The following ESRRG variants were observed in gnomAD, a reference collection of about 807,000 sequenced individuals.
ESRRG encodes estrogen-related receptor gamma.
Under a neutral mutation model 44.0 loss-of-function variants are expected in ESRRG, and 13 were observed. The observed-to-expected ratio is 0.30, with a 90% confidence interval of 0.19 to 0.47. The LOEUF (loss-of-function observed/expected upper bound fraction) is 0.47. Ranked by LOEUF, ESRRG falls within the 20% of genes least tolerant of loss-of-function variation. ESRRG has a pLI of 1.00. For missense variants in ESRRG, 395 were observed against 580.6 expected (o/e 0.68, Z 3.29); for synonymous variants, 215 against 214.6 (o/e 1.00, Z -0.02).
intron 5 of ESRRG, among the ~76,000 whole-genome samples, chr1:216,525,814 C>G (rs1474767529): frequency 4.6e-5 from 7 of 152,134 alleles, no homozygotes; most frequent in African/African-American, 1.7e-4. Context: ...TACCAATGTA[C>G]TGGTAGAACT....
chr1:216,580,907 GC>G, intron 3 of ESRRG, among the ~76,000 whole-genome samples: 1 of 152,296 alleles, frequency 6.6e-6, no homozygotes, highest in Non-Finnish European at 1.5e-5. Flanking sequence ...TTGGCCAAAT[GC>G]ATTTCCTTTT....
At chr1:216,986,795 T>C (rs772022361) in intron 1 of ESRRG, among the ~76,000 whole-genome samples, 3 of 152,000 alleles carry the variant, frequency 2.0e-5, no homozygotes, top group Non-Finnish European at 4.4e-5. Context: ...GTCTGGAAAA[T>C]TCTTCTAAAT....
chr1:216,669,953 T>C (rs1156956859), intron 2 of ESRRG, among the ~76,000 whole-genome samples: 4 of 152,212 alleles, frequency 2.6e-5, no homozygotes, highest in Admixed American at 6.5e-5. Flanking sequence ...ATATTACTTC[T>C]ATATTTAATT....
chr1:216,770,124 T>C (rs1041137659), intron 2 of ESRRG, among the ~76,000 whole-genome samples: 1 of 150,726 alleles, frequency 6.6e-6, no homozygotes, highest in Non-Finnish European at 1.5e-5. Flanking sequence ...GGAGAAGAAA[T>C]GAGAAACAAA....
chr1:216,814,086 A>AT (rs2095058426), intron 2 of ESRRG, among the ~76,000 whole-genome samples: 1 of 151,802 alleles, frequency 6.6e-6, no homozygotes, highest in African/African-American at 2.4e-5. Context: ...AGTAGTGCTA[A>AT]TGTGCCCAAA....
intron 2 of ESRRG, among the ~76,000 whole-genome samples, chr1:216,669,618 G>A (rs1031437516): frequency 1.8e-4 from 27 of 152,248 alleles, no homozygotes; most frequent in African/African-American, 6.0e-4. Flanking sequence ...GGGCGCGGTG[G>A]CTCATGCCTG....
At chr1:216,872,749 T>G (rs2096275814) in intron 2 of ESRRG, among the ~76,000 whole-genome samples, 1 of 152,204 alleles carries the variant, frequency 6.6e-6, no homozygotes, top group Non-Finnish European at 1.5e-5. Context: ...ATTTTTATAA[T>G]AGTTTCTCCA....
At chr1:216,921,951 A>G (rs909539116) in intron 2 of ESRRG, among the ~76,000 whole-genome samples, 1 of 152,184 alleles carries the variant, frequency 6.6e-6, no homozygotes, top group Non-Finnish European at 1.5e-5. Flanking sequence ...TAATAATGAC[A>G]GCTACTAGTT....
intron 1 of ESRRG, among the ~76,000 whole-genome samples, chr1:217,126,113 C>G (rs1274173492): frequency 6.6e-6 from 1 of 152,130 alleles, no homozygotes; most frequent in East Asian, 1.9e-4. Flanking sequence ...TGAGTCTCAG[C>G]TCTGCATCCA....
upstream of ESRRG, among the ~76,000 whole-genome samples, chr1:217,092,792 G>A (rs1279109227): frequency 1.3e-5 from 2 of 152,160 alleles, no homozygotes; most frequent in Non-Finnish European, 2.9e-5. Flanking sequence ...ACCTTCTGAT[G>A]CATTAATTGA....
chr1:216,787,629 G>A (rs1030426183), intron 2 of ESRRG, among the ~76,000 whole-genome samples: 44 of 133,228 alleles, frequency 3.3e-4, no homozygotes, highest in African/African-American at 1.0e-3. Flanking sequence ...AAAAAATCCC[G>A]AAATGGCCTC....
At chr1:216,520,703 T>C (rs1316166268) in intron 5 of ESRRG, among the ~76,000 whole-genome samples, 3 of 152,138 alleles carry the variant, frequency 2.0e-5, no homozygotes, top group African/African-American at 7.2e-5. Flanking sequence ...AGGACAGTGG[T>C]ACCATCATTT....
At chr1:216,601,125 C>T (rs1174127110) in intron 3 of ESRRG, among the ~76,000 whole-genome samples, 1 of 152,126 alleles carries the variant, frequency 6.6e-6, no homozygotes, top group East Asian at 1.9e-4. Flanking sequence ...GCTTGGAACG[C>T]GGGCTCCTGC....
At chr1:216,693,078 G>C (rs1402124532) in intron 1 of ESRRG, among the ~76,000 whole-genome samples, 1 of 152,136 alleles carries the variant, frequency 6.6e-6, no homozygotes, top group South Asian at 2.1e-4. Flanking sequence ...CCTTCTCTCT[G>C]GAATTCAACT....
At chr1:216,661,748 A>C (rs2072498001) in intron 2 of ESRRG, among the ~76,000 whole-genome samples, 1 of 152,204 alleles carries the variant, frequency 6.6e-6, no homozygotes, top group South Asian at 2.1e-4. Flanking sequence ...TCAGAGAGGA[A>C]AAAATGGAAT....
chr1:216,528,311 A>G (rs1371102173), intron 5 of ESRRG, among the ~76,000 whole-genome samples: 1 of 152,148 alleles, frequency 6.6e-6, no homozygotes, highest in Admixed American at 6.6e-5. Context: ...GTCCTGCCTA[A>G]ATTTATTAAC....
At chr1:217,008,595 C>T (rs1167117638) in intron 1 of ESRRG, among the ~76,000 whole-genome samples, 4 of 152,172 alleles carry the variant, frequency 2.6e-5, no homozygotes, top group Admixed American at 6.5e-5. Flanking sequence ...GCAGAGAAGA[C>T]ACATATTGAT....
At chr1:216,649,027 A>G (rs1214661255) in intron 3 of ESRRG, among the ~76,000 whole-genome samples, 2 of 152,144 alleles carry the variant, frequency 1.3e-5, no homozygotes, top group African/African-American at 2.4e-5. Context: ...GGCAATGGCT[A>G]AGATAAAGAG....
In ESRRG at chr1:216,987,424, T is replaced by C. The variant is rs117973473; in HGVS notation, c.-105-47751A>G. ...TTCCCTCTCCTGCTTAGAAATGTCTTTCTCATACTGAACGTTTGGGATGTC... is the reference window on the plus strand; with the variant it reads ...TTCCCTCTCCTGCTTAGAAATGTCTCTCTCATACTGAACGTTTGGGATGTC... On this transcript the variant is annotated intron_variant, in intron 1 of 7. Transcript: ENST00000359162. Among the ~76,000 whole-genome samples the C allele has an allele frequency of 5.2e-4, 79 of 152,328 alleles. 1 individual carries two copies. In the East Asian group the frequency reaches 0.013, roughly 24 times the overall value.
Sources: allele counts gnomAD v4.1 joint callset (sites outside exome capture counted in the v4.1 genomes callset), GRCh38; gene constraint gnomAD v4.1.1; transcripts MANE v1.5; gene names NCBI Gene and HGNC (gene_info 2026-07-23, HGNC 2026-07-21).